Variants in MOB3B observed in about 807,000 individuals in gnomAD.
The protein encoded by MOB3B is MOB kinase activator 3B, also known as MOB kinase activator-like 2B.
In MOB3B, 7 loss-of-function variants were observed where a neutral mutation model predicts 18.7. That is an observed-to-expected ratio of 0.37 (90% CI 0.21 to 0.70). The LOEUF is 0.70. Ranked by LOEUF, MOB3B falls within the 30% of genes least tolerant of loss-of-function variation. The probability of loss-of-function intolerance (pLI) is 0.52; values close to 1 mark genes in which losing one functional copy is unlikely to be tolerated. For missense variants in MOB3B, 253 were observed against 281.3 expected (o/e 0.90, Z 0.72); for synonymous variants, 111 against 99.9 (o/e 1.11, Z -0.66).
At chr9:27,344,539 T>C (rs1180709719) in intron 3 of MOB3B, among the ~76,000 whole-genome samples, 3 of 152,212 alleles carry the variant, frequency 2.0e-5, no homozygotes, top group Non-Finnish European at 4.4e-5. Flanking sequence ...TGAAGATTCC[T>C]CTGCAGTATA....
At chr9:27,420,357 CAT>C (rs768101266) in intron 2 of MOB3B, among the ~76,000 whole-genome samples, 53 of 151,872 alleles carry the variant, frequency 3.5e-4, no homozygotes, top group Non-Finnish European at 5.0e-4. Context: ...TTTGCACACA[CAT>C]GTTTATAGCA....
At chr9:27,458,137 G>A (rs560839892) in intron 1 of MOB3B, among the ~76,000 whole-genome samples, 73 of 152,268 alleles carry the variant, frequency 4.8e-4, no homozygotes, top group African/African-American at 1.6e-3. Context: ...GAACAAATGA[G>A]ACTTGCTCTT....
chr9:27,414,479 G>C (rs1229679106), intron 2 of MOB3B, among the ~76,000 whole-genome samples: 1 of 152,206 alleles, frequency 6.6e-6, no homozygotes, highest in Non-Finnish European at 1.5e-5. Context: ...TGACCCTGAG[G>C]ATTCCCCACA....
intron 2 of MOB3B, among the ~76,000 whole-genome samples, chr9:27,445,697 T>C (rs7043654): frequency 0.034 from 5,196 of 152,038 alleles, 289 homozygotes; most frequent in African/African-American, 0.12. Context: ...CCAGGCTGGG[T>C]CAAGCAATCA....
At chr9:27,382,777 T>C (rs1821597309) in intron 2 of MOB3B, among the ~76,000 whole-genome samples, 2 of 151,978 alleles carry the variant, frequency 1.3e-5, no homozygotes, top group South Asian at 4.2e-4. Context: ...ACTGCAGAAC[T>C]GGTGCTTTTT....
chr9:27,464,448 A>G (rs1400644058), intron 1 of MOB3B, among the ~76,000 whole-genome samples: 1 of 152,200 alleles, frequency 6.6e-6, no homozygotes, highest in African/African-American at 2.4e-5. Context: ...AATCTAATGC[A>G]ATATGGCTTA....
chr9:27,436,171 G>C (rs559602833), intron 2 of MOB3B, among the ~76,000 whole-genome samples: 10 of 152,292 alleles, frequency 6.6e-5, no homozygotes, highest in Admixed American at 2.6e-4. Flanking sequence ...GCTCCTATTA[G>C]AGACTTTGTG....
At chr9:27,524,942 T>A in intron 1 of MOB3B, 1 of 1,597,452 alleles carries the variant, frequency 6.3e-7, no homozygotes, top group Non-Finnish European at 8.5e-7. Flanking sequence ...AATTTACAGC[T>A]CTATTCAGGA....
intron 2 of MOB3B, among the ~76,000 whole-genome samples, chr9:27,383,844 G>T (rs1203407131): frequency 1.3e-5 from 2 of 152,232 alleles, no homozygotes; most frequent in African/African-American, 4.8e-5. Context: ...ACCTATGTTG[G>T]CATGAGATTA....
At chr9:27,420,800 T>A in intron 2 of MOB3B, among the ~76,000 whole-genome samples, 1 of 145,640 alleles carries the variant, frequency 6.9e-6, no homozygotes, top group African/African-American at 2.6e-5. Context: ...GGGGGAAGAG[T>A]GGGAGGGGGA....
chr9:27,409,149 G>A (rs1009349495), intron 2 of MOB3B, among the ~76,000 whole-genome samples: 2 of 152,164 alleles, frequency 1.3e-5, no homozygotes, highest in South Asian at 2.1e-4. Flanking sequence ...ACTGGAATCC[G>A]TCCATTCAAC....
At chr9:27,418,642 G>A (rs1469889349) in intron 2 of MOB3B, among the ~76,000 whole-genome samples, 1 of 152,154 alleles carries the variant, frequency 6.6e-6, no homozygotes, top group Non-Finnish European at 1.5e-5. Context: ...ATCTCTTTAT[G>A]ATTAAAACTC....
chr9:27,393,175 G>C (rs920463798), intron 2 of MOB3B, among the ~76,000 whole-genome samples: 2 of 152,172 alleles, frequency 1.3e-5, no homozygotes, highest in Non-Finnish European at 2.9e-5. Flanking sequence ...CAGGGTACAA[G>C]TAAATCCTTG....
At chr9:27,351,819 G>A (rs1821108698) in intron 3 of MOB3B, among the ~76,000 whole-genome samples, 1 of 152,204 alleles carries the variant, frequency 6.6e-6, no homozygotes, top group Admixed American at 6.5e-5. Context: ...GGCAACATGA[G>A]GTCAGTGTAT....
intron 2 of MOB3B, among the ~76,000 whole-genome samples, chr9:27,392,947 A>G (rs1821747385): frequency 6.6e-6 from 1 of 152,196 alleles, no homozygotes; most frequent in African/African-American, 2.4e-5. Context: ...ATCTACTAAG[A>G]CCCTTGTTGG....
chr9:27,511,384 G>A (rs1013795906), intron 1 of MOB3B, among the ~76,000 whole-genome samples: 5 of 152,072 alleles, frequency 3.3e-5, no homozygotes, highest in African/African-American at 9.7e-5. Flanking sequence ...GGATAAAATT[G>A]TCCATCCTGC....
chr9:27,404,347 C>CTTTTTTTTTTTTTTTTTTTTT (rs756275032), intron 2 of MOB3B, among the ~76,000 whole-genome samples: 4 of 75,172 alleles, frequency 5.3e-5, no homozygotes, highest in African/African-American at 2.3e-4. Flanking sequence ...TTCTTTCTTT[C>CTTTTTTTTTTTTTTTTTTTTT]TTTTTTTTTT....
At chr9:27,509,165 T>C (rs1400844852) in intron 1 of MOB3B, among the ~76,000 whole-genome samples, 1 of 152,224 alleles carries the variant, frequency 6.6e-6, no homozygotes, top group Non-Finnish European at 1.5e-5. Context: ...ATGCTCATTA[T>C]TCACATGTCA....
intron 1 of MOB3B, among the ~76,000 whole-genome samples, chr9:27,525,784 C>A (rs1235224512): frequency 6.6e-6 from 1 of 152,212 alleles, no homozygotes; most frequent in Non-Finnish European, 1.5e-5. Flanking sequence ...AACAATTTTA[C>A]ATTAGATTTT....
Sources: allele counts gnomAD v4.1 joint callset (sites outside exome capture counted in the v4.1 genomes callset), GRCh38; gene constraint gnomAD v4.1.1; transcripts MANE v1.5; gene names NCBI Gene and HGNC (gene_info 2026-07-23, HGNC 2026-07-21).